HOMER1: variants seen among roughly 807,000 people sequenced by gnomAD.
HOMER1 encodes the protein homer protein homolog 1.
In HOMER1, 3 loss-of-function variants were observed where a neutral mutation model predicts 48.9. That is an observed-to-expected ratio of 0.06 (90% CI 0.03 to 0.16). The LOEUF is 0.16. HOMER1 is among the 10% of genes least tolerant of loss of function. The pLI is 1.00. For missense variants in HOMER1, 247 were observed against 411.4 expected (o/e 0.60, Z 3.46); for synonymous variants, 134 against 146.4 (o/e 0.92, Z 0.61).
chr5:79,390,617 A>G (rs1050944739), intron 8 of HOMER1, among the ~76,000 whole-genome samples: 7 of 152,220 alleles, frequency 4.6e-5, no homozygotes, highest in African/African-American at 1.7e-4. Context: ...GTCACAAAGC[A>G]CTATCCAAGT....
intron 1 of HOMER1, among the ~76,000 whole-genome samples, chr5:79,473,648 T>C (rs949280244): frequency 2.6e-5 from 4 of 152,020 alleles, no homozygotes; most frequent in African/African-American, 7.3e-5. Context: ...TATGAAAGAG[T>C]TCTAGAATCT....
At chr5:79,429,842 T>G (rs1750370649) in intron 5 of HOMER1, among the ~76,000 whole-genome samples, 1 of 151,932 alleles carries the variant, frequency 6.6e-6, no homozygotes, top group Non-Finnish European at 1.5e-5. Context: ...GCTAACACGG[T>G]GAAACCCCGT....
chr5:79,471,687 G>A (rs1175766759), intron 1 of HOMER1, among the ~76,000 whole-genome samples: 1 of 152,080 alleles, frequency 6.6e-6, no homozygotes, highest in Non-Finnish European at 1.5e-5. Flanking sequence ...GTTTTCAAGA[G>A]CCTCTAAGGT....
In HOMER1 at chr5:79,375,722, T is replaced by C. The variant is rs1418425398; in HGVS notation, c.*287A>G. On this transcript the variant is annotated 3_prime_UTR_variant, in exon 9 of 9. Coordinates refer to ENST00000334082, the MANE Select transcript of HOMER1 (RefSeq NM_004272.5). ...CATTGGCTAATATCAGGAAAAAAGATTGCATTAAGTGTCTATTTATAACTT... is the reference window on the plus strand; with the variant it reads ...CATTGGCTAATATCAGGAAAAAAGACTGCATTAAGTGTCTATTTATAACTT... The C allele has an allele frequency of 4.2e-5, 10 of 239,658 alleles. No individual in the cohort carries two copies. Among genetic ancestry groups the C allele is most frequent in the Admixed American group, 5.5e-5 (1 of 18,228 alleles). The allele number at this position is 239,658 out of a possible 1,614,324, so 14.8% of individuals were successfully genotyped here. A position where few individuals can be genotyped will look rare whatever the true frequency, so the allele number is the denominator to read the frequency against.
chr5:79,404,317 A>T (rs1414134347), intron 5 of HOMER1, among the ~76,000 whole-genome samples: 1 of 152,188 alleles, frequency 6.6e-6, no homozygotes, highest in Non-Finnish European at 1.5e-5. Flanking sequence ...TTTCTATTAT[A>T]TTTATGTGGG....
chr5:79,506,619 T>C (rs1019711172), intron 1 of HOMER1, among the ~76,000 whole-genome samples: 2 of 152,134 alleles, frequency 1.3e-5, no homozygotes, highest in African/African-American at 2.4e-5. Flanking sequence ...GACGGATCAC[T>C]TGAGTTCAGG....
intron 4 of HOMER1, among the ~76,000 whole-genome samples, chr5:79,444,063 C>T (rs945031936): frequency 6.6e-6 from 1 of 152,252 alleles, no homozygotes; most frequent in South Asian, 2.1e-4. Flanking sequence ...TATCGATTTT[C>T]GTGTTTAACC....
intron 2 of HOMER1, among the ~76,000 whole-genome samples, chr5:79,453,203 T>G (rs1473509717): frequency 6.9e-6 from 1 of 145,814 alleles, no homozygotes; most frequent in Non-Finnish European, 1.5e-5. Flanking sequence ...AAATCAAGAC[T>G]GGTAGGCACT....
intron 4 of HOMER1, among the ~76,000 whole-genome samples, chr5:79,444,622 T>C (rs1170951079): frequency 6.6e-6 from 1 of 152,222 alleles, no homozygotes. Flanking sequence ...CAACTTATAA[T>C]GGTTCATGAC....
rs554197308 is a variant in HOMER1, at chr5:79,502,876, C to T, written c.5+9894G>A. Among the ~76,000 whole-genome samples, 7 of 152,282 alleles carry T rather than the reference C, an allele frequency of 4.6e-5. No individual in the cohort carries two copies. The South Asian group carries it at 6.2e-4, about 14-fold the overall frequency. ...CGCAATCTCAGCTCACTGCAAGCTCCGCCTCCAGGGTTCACGCCATTCTCC... is the reference window on the plus strand; with the variant it reads ...CGCAATCTCAGCTCACTGCAAGCTCTGCCTCCAGGGTTCACGCCATTCTCC... On this transcript the variant is annotated intron_variant, in intron 1 of 8. Transcript: ENST00000334082.
At chr5:79,390,759 ATAAAT>A (rs1199652742) in intron 8 of HOMER1, among the ~76,000 whole-genome samples, 1 of 152,200 alleles carries the variant, frequency 6.6e-6, no homozygotes, top group Admixed American at 6.5e-5. Flanking sequence ...CAATAGAACT[ATAAAT>A]TAATAACTAA....
chr5:79,388,065 G>C (rs1216967968), intron 8 of HOMER1, among the ~76,000 whole-genome samples: 1 of 152,084 alleles, frequency 6.6e-6, no homozygotes, highest in Admixed American at 6.5e-5. Flanking sequence ...CTAAACTACG[G>C]TAACCCCAAG....
At chr5:79,376,738 G>C (rs898073744) in intron 8 of HOMER1, among the ~76,000 whole-genome samples, 3 of 152,084 alleles carry the variant, frequency 2.0e-5, no homozygotes, top group Non-Finnish European at 4.4e-5. Context: ...TATATGTAGA[G>C]AGTATCACTC....
At chr5:79,407,411 G>A (rs1241593147) in intron 5 of HOMER1, among the ~76,000 whole-genome samples, 2 of 152,152 alleles carry the variant, frequency 1.3e-5, no homozygotes, top group African/African-American at 2.4e-5. Context: ...ATAAATCAAG[G>A]AAGTAAGATA....
At chr5:79,407,472 G>A (rs1426129232) in intron 5 of HOMER1, among the ~76,000 whole-genome samples, 1 of 152,198 alleles carries the variant, frequency 6.6e-6, no homozygotes, top group African/African-American at 2.4e-5. Context: ...CACTCAGATT[G>A]TGAATTTTAG....
At chr5:79,400,782 T>C (rs1366465969) in intron 6 of HOMER1, among the ~76,000 whole-genome samples, 4 of 145,972 alleles carry the variant, frequency 2.7e-5, no homozygotes, top group South Asian at 4.3e-4. Flanking sequence ...TCTTGCTCTG[T>C]CACCCAAGCT....
chr5:79,447,671 G>A (rs151314254), intron 3 of HOMER1, among the ~76,000 whole-genome samples: 3 of 152,008 alleles, frequency 2.0e-5, no homozygotes, highest in Admixed American at 1.3e-4. Context: ...ATTTATTTCC[G>A]AAGATTCCTA....
intron 1 of HOMER1, among the ~76,000 whole-genome samples, chr5:79,506,486 T>C (rs1428171297): frequency 1.3e-5 from 2 of 152,188 alleles, no homozygotes; most frequent in South Asian, 2.1e-4. Flanking sequence ...ATCAATAAAG[T>C]TGACTCTTTT....
intron 4 of HOMER1, among the ~76,000 whole-genome samples, chr5:79,440,496 T>C: frequency 6.6e-6 from 1 of 152,350 alleles, no homozygotes; most frequent in Middle Eastern, 3.4e-3. Context: ...ATTTTGACCT[T>C]TAATTTCATT....
Sources: allele counts gnomAD v4.1 joint callset (sites outside exome capture counted in the v4.1 genomes callset), GRCh38; gene constraint gnomAD v4.1.1; transcripts MANE v1.5; gene names NCBI Gene and HGNC (gene_info 2026-07-23, HGNC 2026-07-21).